PRKDC: variants seen among roughly 807,000 people sequenced by gnomAD.
PRKDC encodes protein kinase, DNA-activated, catalytic subunit.
Under a neutral mutation model 486.9 loss-of-function variants are expected in PRKDC, and 82 were observed. The observed-to-expected ratio is 0.17, with a 90% confidence interval of 0.14 to 0.20. The LOEUF (loss-of-function observed/expected upper bound fraction) is 0.20, where lower values mean the gene tolerates loss of function less well. Ranked by LOEUF, PRKDC falls within the 10% of genes least tolerant of loss-of-function variation. The pLI, the probability that PRKDC is intolerant of heterozygous loss-of-function variation, is 1.00. For synonymous variants in PRKDC, 1,895 were observed against 1,837.0 expected, an observed-to-expected ratio of 1.03 and a Z score of -0.81; for missense variants, 4,504 against 5,038.2, an observed-to-expected ratio of 0.89 and a Z score of 3.21.
intron 63 of PRKDC, among the ~76,000 whole-genome samples, chr8:47,826,159 T>C (rs1248642693): frequency 6.6e-6 from 1 of 152,230 alleles, no homozygotes; most frequent in Non-Finnish European, 1.5e-5. Flanking sequence ...TAGGCTTTCA[T>C]ATGATGAGAT....
Position 47,862,046 on chromosome 8 carries a change from T to C in PRKDC, c.5985+16A>G, listed in dbSNP as rs779715148. 6.5e-7 allele frequency: 1 copy of C among 1,535,964 alleles called. No individual in the cohort carries two copies. The highest frequency in any genetic ancestry group is 1.2e-5 in the South Asian group (1 of 81,562). On this transcript the variant is annotated intron_variant, in intron 44 of 85. Coordinates refer to ENST00000314191, the MANE Select transcript of PRKDC (RefSeq NM_006904.7). ...GCACTTGATAAGTTTTTTTTAACAT[T>C]GAAAATTTCACTCACCTCAACTTCT...
At chr8:47,807,420 T>G in intron 68 of PRKDC, 94 bp from the exon 69 acceptor site, 2 of 1,154,838 alleles carry the variant, frequency 1.7e-6, no homozygotes, top group Non-Finnish European at 2.4e-6. Context: ...TTAGTAAATG[T>G]TTGTTCTTTT....
rs2154500382 is a variant in PRKDC, at chr8:47,854,186, C to A, written c.6790G>T (p.Asp2264Tyr). The change falls in exon 51 of 86, where the codon GAT becomes TAT. Residue 2264 changes from aspartate (D) to tyrosine (Y), a missense_variant. Around this residue, in one of 6 missense-constraint regions of PRKDC, gnomAD observed 1,592 missense variants for 1,724.6 expected, o/e 0.92. Coordinates refer to ENST00000314191, the MANE Select transcript of PRKDC (RefSeq NM_006904.7). ...ACTGAGTTGTCTTTAGAATTAGGATCTTTACCGGAAAACTTTTCAAATATT... is the reference window on the plus strand; with the variant it reads ...ACTGAGTTGTCTTTAGAATTAGGATATTTACCGGAAAACTTTTCAAATATT... ...RLIFEKFSGK[D>Y]PNSKDNSVGI... 1 of 1,613,682 alleles carries A rather than the reference C, an allele frequency of 6.2e-7. No individual in the cohort carries two copies. Among genetic ancestry groups the A allele is most frequent in the East Asian group, 2.2e-5 (1 of 44,886 alleles).
intron 19 of PRKDC, 30 bp downstream of exon 19, chr8:47,929,062 T>C: frequency 1.4e-6 from 2 of 1,381,600 alleles, no homozygotes; most frequent in Non-Finnish European, 2.0e-6. Flanking sequence ...CAGTTCATGA[T>C]AACACTAAGA....
At chr8:47,942,087 C>A (rs2090454603) in intron 10 of PRKDC, among the ~76,000 whole-genome samples, 1 of 152,370 alleles carries the variant, frequency 6.6e-6, no homozygotes, top group Non-Finnish European at 1.5e-5. Flanking sequence ...GATCCCTCTG[C>A]ACACATTCCG....
chr8:47,835,456 A>C (rs1200816611), intron 58 of PRKDC, among the ~76,000 whole-genome samples: 1 of 151,672 alleles, frequency 6.6e-6, no homozygotes. Context: ...ATCTCTACTA[A>C]AATACAAAAA....
intron 17 of PRKDC, among the ~76,000 whole-genome samples, chr8:47,930,365 C>T (rs1418371751): frequency 6.6e-5 from 10 of 152,278 alleles, no homozygotes; most frequent in East Asian, 3.9e-4. Context: ...CTCCACCTCC[C>T]GGGTTCATGC....
Position 47,881,462 on chromosome 8 carries a change from G to GTTGTAAAGACT in PRKDC, c.5010_5020dup (p.Thr1674LysfsTer19). 6.3e-7 allele frequency: 1 copy of GTTGTAAAGACT among 1,577,162 alleles called. No homozygotes were observed. Among genetic ancestry groups the GTTGTAAAGACT allele is most frequent in the Non-Finnish European group, 8.7e-7 (1 of 1,149,678 alleles). ...TGTGTCAGCAAGTAGACTAATATATGTTGTAAAGACTTCAGGGAATGAACC... is the reference window on the plus strand; with the variant it reads ...TGTGTCAGCAAGTAGACTAATATATGTTGTAAAGACTTTGTAAAGACTTCAGGGAATGAACC... On this transcript the variant is annotated frameshift_variant, in exon 38 of 86. Coordinates refer to ENST00000314191, the MANE Select transcript of PRKDC (RefSeq NM_006904.7). LOFTEE classifies it high-confidence loss of function.
At chr8:47,813,652 C>T (rs147629383) in intron 68 of PRKDC, among the ~76,000 whole-genome samples, 1,797 of 151,852 alleles carry the variant, frequency 0.012, 46 homozygotes, top group African/African-American at 0.04. Context: ...CTTGCCTCAC[C>T]GCAACCTCTG....
At chr8:47,895,734 C>T (rs1164440508) in intron 30 of PRKDC, among the ~76,000 whole-genome samples, 1 of 152,112 alleles carries the variant, frequency 6.6e-6, no homozygotes, top group Non-Finnish European at 1.5e-5. Flanking sequence ...GTTAGCTAAA[C>T]ACATTAAGCA....
intron 41 of PRKDC, among the ~76,000 whole-genome samples, chr8:47,863,852 A>G (rs563718472): frequency 6.6e-6 from 1 of 152,340 alleles, no homozygotes; most frequent in African/African-American, 2.4e-5. Flanking sequence ...TACTGAAGAC[A>G]TGGGAACAAC....
At chr8:47,913,324 G>A (rs186463141) in intron 24 of PRKDC, among the ~76,000 whole-genome samples, 68 of 152,254 alleles carry the variant, frequency 4.5e-4, no homozygotes, top group Admixed American at 3.9e-3. Context: ...AGCATAGCCC[G>A]AATATCACTC....
In PRKDC at chr8:47,915,359, T is replaced by C; in HGVS notation, c.2586A>G (p.Leu862=). 1 of 1,568,638 alleles carries C rather than the reference T, an allele frequency of 6.4e-7. No individual in the cohort carries two copies. Among genetic ancestry groups the C allele is most frequent in the Admixed American group, 1.9e-5 (1 of 53,834 alleles). ...RIRVVQMLGS[L]GGQINKNLLT... ...GAAGATTTTTGTTTATTTGTCCTCCTAGAGATCCAAGCATTTGTACTACTC... is the reference window on the plus strand; with the variant it reads ...GAAGATTTTTGTTTATTTGTCCTCCCAGAGATCCAAGCATTTGTACTACTC... Residue 862 remains leucine, a synonymous_variant, in exon 23 of 86, where the codon CTA becomes CTG. Transcript: ENST00000314191.
In PRKDC at chr8:47,901,612, G is replaced by A. The variant is rs544455191; in HGVS notation, c.3269+957C>T. On this transcript the variant is annotated intron_variant, in intron 27 of 85. Coordinates refer to ENST00000314191, the MANE Select transcript of PRKDC (RefSeq NM_006904.7). Reference sequence around the variant, plus strand: ...CAGCACACGCTCTGTTTCCACACAAGTGCCTCTGTCCCTTGCATCTGCAGA... The same window carrying A: ...CAGCACACGCTCTGTTTCCACACAAATGCCTCTGTCCCTTGCATCTGCAGA... 3.3e-5 allele frequency among the ~76,000 whole-genome samples: 5 copies of A among 152,356 alleles called. No homozygotes were observed. The South Asian group carries it at 1.0e-3, about 32-fold the overall frequency.
At chr8:47,903,798 A>C (rs2089726717) in intron 26 of PRKDC, among the ~76,000 whole-genome samples, 1 of 152,256 alleles carries the variant, frequency 6.6e-6, no homozygotes, top group African/African-American at 2.4e-5. Flanking sequence ...TTTTTAACAG[A>C]AACATTATAA....
chr8:47,899,984 G>A (rs969981148), intron 28 of PRKDC, among the ~76,000 whole-genome samples: 2 of 152,120 alleles, frequency 1.3e-5, no homozygotes, highest in African/African-American at 2.4e-5. Context: ...AAATGATCAC[G>A]AGTGAGTGCA....
chr8:47,861,931 A>G, intron 44 of PRKDC, 131 bp downstream of exon 44: 1 of 690,976 alleles, frequency 1.4e-6, no homozygotes, highest in Non-Finnish European at 2.4e-6. Context: ...CAGATTTTAT[A>G]GAAACCACAT....
At chr8:47,877,203 T>C (rs1420647245) in intron 40 of PRKDC, among the ~76,000 whole-genome samples, 1 of 152,228 alleles carries the variant, frequency 6.6e-6, no homozygotes. Flanking sequence ...CTGTTTTAAA[T>C]GCAGACTGAA....
intron 68 of PRKDC, among the ~76,000 whole-genome samples, chr8:47,812,726 T>C (rs905792250): frequency 6.6e-6 from 1 of 151,494 alleles, no homozygotes; most frequent in African/African-American, 2.4e-5. Flanking sequence ...AAGAAAAAAA[T>C]AGTAAAGACG....
Sources: gnomAD v4.1 joint callset for allele counts (sites outside exome capture counted in the v4.1 genomes callset) on GRCh38, gnomAD v4.1.1 for gene constraint, gnomAD v4.1.1 regional missense constraint, MANE v1.5 for transcripts, NCBI Gene and HGNC (gene_info 2026-07-23, HGNC 2026-07-21) for gene names.